RHBDL1: variants seen among roughly 807,000 people sequenced by gnomAD.
The protein encoded by RHBDL1 is rhomboid like 1.
Under a neutral mutation model 34.0 loss-of-function variants are expected in RHBDL1, and 21 were observed. That is an observed-to-expected ratio of 0.62 (90% confidence interval 0.44 to 0.89). The LOEUF (loss-of-function observed/expected upper bound fraction) is 0.89. RHBDL1 is among the 40% of genes least tolerant of loss of function. RHBDL1 has a pLI of 0.00. For synonymous variants in RHBDL1, 268 were observed against 234.8 expected, an observed-to-expected ratio of 1.14 and a Z score of -1.29; for missense variants, 450 against 530.6, an observed-to-expected ratio of 0.85 and a Z score of 1.49.
chr16:676,155 A>G lies in RHBDL1; in HGVS notation c.40-181A>G. On this transcript the variant is annotated intron_variant, in intron 1 of 7. Coordinates refer to ENST00000352681, the MANE Select transcript of RHBDL1 (RefSeq NM_001278720.2). This position sits in a 1 kb window ranked among gnomAD's most constrained non-coding sequence, Gnocchi z 6.9. ...CTGAGGAGCTGGAGGACTGGGACCC[A>G]GGCACCAGTGCCCTGCCAGCTCCTG... 1 of 1,473,800 alleles carries G rather than the reference A, an allele frequency of 6.8e-7. No individual in the cohort carries two copies. Among genetic ancestry groups the G allele is most frequent in the Non-Finnish European group, 9.0e-7 (1 of 1,109,252 alleles). 91.3% of individuals were successfully genotyped at this position (1,473,800 alleles called of 1,614,324 possible). A position where few individuals can be genotyped will look rare whatever the true frequency, so the allele number is the denominator to read the frequency against.
Position 678,059 on chromosome 16 carries a change from A to G in RHBDL1, c.*7A>G. On this transcript the variant is annotated 3_prime_UTR_variant, in exon 8 of 8. Coordinates refer to ENST00000352681, the MANE Select transcript of RHBDL1 (RefSeq NM_001278720.2). ...CATCCCCCCACCGCCCTGACCGGCT[A>G]CCTGAGGCTGCACAGGCCAGGGCTC... 6.4e-7 allele frequency: 1 copy of G among 1,551,142 alleles called. No individual in the cohort carries two copies. Among genetic ancestry groups the G allele is most frequent in the African/African-American group, 1.4e-5 (1 of 73,970 alleles).
In RHBDL1 at chr16:675,941, C is replaced by T. The variant is rs2039526754; in HGVS notation, c.39+112C>T. 9 of 1,411,628 alleles carry T rather than the reference C, an allele frequency of 6.4e-6. No homozygotes were observed. In the South Asian group the frequency reaches 7.4e-5, roughly 12 times the overall value. 87.4% of individuals were successfully genotyped at this position (1,411,628 alleles called of 1,614,324 possible). ...CCCGAAAGCCCCGCTCGGTACCTACCTCATCCCTCCACGACCTTGGTCCGT... is the reference window on the plus strand; with the variant it reads ...CCCGAAAGCCCCGCTCGGTACCTACTTCATCCCTCCACGACCTTGGTCCGT... On this transcript the variant is annotated intron_variant, in intron 1 of 7. Transcript: ENST00000352681.
At position 676,530 on chromosome 16, in the gene RHBDL1, C is replaced by T. The variant is rs758650022; in HGVS notation, c.201+33C>T. On this transcript the variant is annotated intron_variant, in intron 2 of 7. Transcript: ENST00000352681. This position sits in a 1 kb window ranked among gnomAD's most constrained non-coding sequence, Gnocchi z 6.9. The stretch of plus-strand genomic sequence containing the variant: ...CCACGGTGGGCAGGCGGCAGGGGCA[C>T]GGTGTCCTGGCCAGAGGAGGCGGGC... 5.1e-6 allele frequency: 8 copies of T among 1,570,372 alleles called. No homozygotes were observed. The highest frequency in any genetic ancestry group is 3.4e-5 in the South Asian group (3 of 87,634).
In RHBDL1 at chr16:676,325, C is replaced by A; in HGVS notation, c.40-11C>A. 1 of 1,608,168 alleles carries A rather than the reference C, an allele frequency of 6.2e-7. No homozygotes were observed. Among genetic ancestry groups the A allele is most frequent in the Non-Finnish European group, 8.5e-7 (1 of 1,178,166 alleles). The stretch of plus-strand genomic sequence containing the variant: ...CGCACTCAGGCCTTGGCTGGCGGCT[C>A]CTCACTGCAGCAGCTGGACCCCGAG... On this transcript the variant is annotated splice_polypyrimidine_tract_variant and intron_variant, in intron 1 of 7. Transcript: ENST00000352681. This position sits in a 1 kb window ranked among gnomAD's most constrained non-coding sequence, Gnocchi z 6.9.
Position 677,487 on chromosome 16 carries a change from G to A in RHBDL1, c.717G>A (p.Met239Ile). ...AGSLTVSITDMRAPVVGGSGG... is the reference protein window; with the variant it reads ...AGSLTVSITDIRAPVVGGSGG... The stretch of plus-strand genomic sequence containing the variant: ...CCCTAACCGTCTCCATCACCGACAT[G>A]CGGGCCCCGGTGGTGGGAGGCTCCG... The change falls in exon 6 of 8, where the codon ATG becomes ATA. Residue 239 changes from methionine (M) to isoleucine (I), a missense_variant. By Grantham distance (10) the Met-to-Ile change is conservative. Transcript: ENST00000352681. 6.2e-7 allele frequency: 1 copy of A among 1,608,662 alleles called. No homozygotes were observed. Among genetic ancestry groups the A allele is most frequent in the Non-Finnish European group, 8.5e-7 (1 of 1,179,642 alleles).
chr16:676,111 G>A lies in RHBDL1; in HGVS notation c.40-225G>A, dbSNP rs1362178857. Reference sequence around the variant, plus strand: ...GCCCTCGCTTTCCAGGATGGGTAGGGTGGAAGACGGGGGAACAACTGAGGA... The same window carrying A: ...GCCCTCGCTTTCCAGGATGGGTAGGATGGAAGACGGGGGAACAACTGAGGA... On this transcript the variant is annotated intron_variant, in intron 1 of 7. Transcript: ENST00000352681. The surrounding 1 kb of genome is among the most constrained non-coding windows in gnomAD (Gnocchi z 6.9). 2.1e-6 allele frequency: 3 copies of A among 1,453,656 alleles called. No individual in the cohort carries two copies. The highest frequency in any genetic ancestry group is 1.8e-6 in the Non-Finnish European group (2 of 1,099,230). The allele number at this position is 1,453,656 out of a possible 1,614,324, so 90.0% of individuals were successfully genotyped here.
intron 1 of RHBDL1, 122 bp downstream of exon 1, chr16:675,951 CA>C: frequency 7.1e-7 from 1 of 1,411,788 alleles, no homozygotes; most frequent in Non-Finnish European, 9.4e-7. Context: ...CTCATCCCTC[CA>C]CGACCTTGGT....
chr16:677,588 G>T, intron 6 of RHBDL1, 29 bp downstream of exon 6: 1 of 1,607,008 alleles, frequency 6.2e-7, no homozygotes. Flanking sequence ...GGGGGGCGTG[G>T]GGAGGGGCCC....
chr16:677,640 A>G lies in RHBDL1; in HGVS notation c.791A>G (p.Asn264Ser). 6.3e-7 allele frequency: 1 copy of G among 1,585,218 alleles called. No individual in the cohort carries two copies. Among genetic ancestry groups the G allele is most frequent in the Non-Finnish European group, 8.6e-7 (1 of 1,163,908 alleles). Residue 264 changes from asparagine (N) to serine (S), a missense_variant and splice_region_variant, in exon 7 of 8, where the codon AAC becomes AGC. Transcript: ENST00000352681. ...CSAHLANVVM[N>S]WAGMRCPYKL... is the part of the protein sequence containing the mutation. ...CTTCTCGTCTGCACACACCCATAGA[A>G]CTGGGCTGGGATGAGATGTCCCTAC...
Position 677,660 on chromosome 16 carries a change from C to T in RHBDL1, c.811C>T (p.Pro271Ser). The T allele has an allele frequency of 6.4e-7, 1 of 1,565,292 alleles. No homozygotes were observed. The highest frequency in any genetic ancestry group is 8.7e-7 in the Non-Finnish European group (1 of 1,153,062). The change falls in exon 7 of 8, where the codon CCC becomes TCC. Residue 271 changes from proline (P) to serine (S), a missense_variant. Coordinates refer to ENST00000352681, the MANE Select transcript of RHBDL1 (RefSeq NM_001278720.2). Reference protein sequence around the residue: ...VVMNWAGMRCPYKLLRMVLAL... With the variant: ...VVMNWAGMRCSYKLLRMVLAL... ...ATAGAACTGGGCTGGGATGAGATGTCCCTACAAGTTGCTGAGGATGGTGCT... is the reference window on the plus strand; with the variant it reads ...ATAGAACTGGGCTGGGATGAGATGTTCCTACAAGTTGCTGAGGATGGTGCT...
chr16:676,592 G>A lies in RHBDL1; in HGVS notation c.202-80G>A, dbSNP rs1418631151. On this transcript the variant is annotated intron_variant, in intron 2 of 7. Transcript: ENST00000352681. The surrounding 1 kb of genome is among the most constrained non-coding windows in gnomAD (Gnocchi z 6.9). ...CACGGCGGTGGGTGGGGGGCTTGTG[G>A]ATGCGGGGAGCTGGGTGAGCCTCAC... 3 of 1,580,882 alleles carry A rather than the reference G, an allele frequency of 1.9e-6. No individual in the cohort carries two copies. The highest frequency in any genetic ancestry group is 2.6e-6 in the Non-Finnish European group (3 of 1,166,318).
Position 677,695 on chromosome 16 carries a change from G to C in RHBDL1, c.846G>C (p.Val282=). ...YKLLRMVLAL[V]CMSSEVGRAV... ...TGCTGAGGATGGTGCTGGCCTTGGT[G>C]TGCAGTGAGTAGGGGCCGGGGGGAG... Residue 282 remains valine, a synonymous_variant, in exon 7 of 8, where the codon GTG becomes GTC. Coordinates refer to ENST00000352681, the MANE Select transcript of RHBDL1 (RefSeq NM_001278720.2). The C allele has an allele frequency of 6.5e-7, 1 of 1,538,494 alleles. No homozygotes were observed. The highest frequency in any genetic ancestry group is 8.8e-7 in the Non-Finnish European group (1 of 1,142,156).
rs771393027 is a variant in RHBDL1, at chr16:675,869, A to G, written c.39+40A>G. 6.7e-6 allele frequency: 10 copies of G among 1,483,952 alleles called. No individual in the cohort carries two copies. In the South Asian group the frequency reaches 1.3e-4, roughly 19 times the overall value. The allele number at this position is 1,483,952 out of a possible 1,614,324, so 91.9% of individuals were successfully genotyped here. ...GGTCTGGGGAGCTGGCACCGCCCCC[A>G]ATGCGGCCCTCCTGCCGCTGAGCTG... On this transcript the variant is annotated intron_variant, in intron 1 of 7. Transcript: ENST00000352681.
chr16:676,013 TG>T lies in RHBDL1; in HGVS notation c.39+186del, dbSNP rs1463166024. 3.1e-5 allele frequency: 41 copies of T among 1,310,784 alleles called. No individual in the cohort carries two copies. The highest frequency in any genetic ancestry group is 3.8e-5 in the Non-Finnish European group (39 of 1,027,306). The allele number at this position is 1,310,784 out of a possible 1,614,324, so 81.2% of individuals were successfully genotyped here. On this transcript the variant is annotated intron_variant, in intron 1 of 7. Coordinates refer to ENST00000352681, the MANE Select transcript of RHBDL1 (RefSeq NM_001278720.2). This position sits in a 1 kb window ranked among gnomAD's most constrained non-coding sequence, Gnocchi z 6.9. Reference sequence around the variant, plus strand: ...GACTGACTGGACCAGAGCTCCTGGCTGGAGAAGGGAGAGTCGGGGGGAGGGA... The same window carrying T: ...GACTGACTGGACCAGAGCTCCTGGCTGAGAAGGGAGAGTCGGGGGGAGGGA...
rs1338100785 is a variant in RHBDL1 at position 676,060 on chromosome 16, G to GGGCA, written c.39+233_39+236dup. The stretch of plus-strand genomic sequence containing the variant: ...AGGGAGGGAGGGAGGGAGGGAGGGC[G>GGGCA]GGCAGCTGGCTGGTCTTGGACCTTG... On this transcript the variant is annotated intron_variant, in intron 1 of 7. Coordinates refer to ENST00000352681, the MANE Select transcript of RHBDL1 (RefSeq NM_001278720.2). This position sits in a 1 kb window ranked among gnomAD's most constrained non-coding sequence, Gnocchi z 6.9. The GGGCA allele has an allele frequency of 4.1e-5, 59 of 1,433,318 alleles. No individual in the cohort carries two copies. In the East Asian group the frequency reaches 7.7e-4, roughly 19 times the overall value. The allele number at this position is 1,433,318 out of a possible 1,614,324, so 88.8% of individuals were successfully genotyped here.
At position 676,348 on chromosome 16, in the gene RHBDL1, G is replaced by A. The variant is rs1284453052; in HGVS notation, c.52G>A (p.Glu18Lys). 3.7e-6 allele frequency: 6 copies of A among 1,610,340 alleles called. No homozygotes were observed. Among genetic ancestry groups the A allele is most frequent in the African/African-American group, 1.3e-5 (1 of 74,870 alleles). Residue 18 changes from glutamate (E) to lysine (K), a missense_variant, in exon 2 of 8, where the codon GAG becomes AAG. By Grantham distance (56) the Glu-to-Lys change is moderately conservative. Transcript: ENST00000352681. This position sits in a 1 kb window ranked among gnomAD's most constrained non-coding sequence, Gnocchi z 6.9. ...QLIQEQQLDP[E>K]NTGFIGADTF... ...CTCCTCACTGCAGCAGCTGGACCCC[G>A]AGAACACAGGCTTCATCGGTGCGGA...
At position 677,794 on chromosome 16, in the gene RHBDL1, G is replaced by A. The variant is rs2039576765; in HGVS notation, c.864G>A (p.Val288=). 6.4e-7 allele frequency: 1 copy of A among 1,551,578 alleles called. No individual in the cohort carries two copies. The part of the protein sequence containing the change: ...VLALVCMSSE[V]GRAVWLRFSP... ...GTCCCTCTGCAGTGAGCTCCGAGGT[G>A]GGCCGGGCCGTGTGGCTGCGCTTCT... Residue 288 remains valine (V), a synonymous_variant, in exon 8 of 8, where the codon GTG becomes GTA. Coordinates refer to ENST00000352681, the MANE Select transcript of RHBDL1 (RefSeq NM_001278720.2).
rs771476810 is a variant in RHBDL1, at chr16:677,450, C to T, written c.689-9C>T. On this transcript the variant is annotated splice_polypyrimidine_tract_variant and intron_variant, in intron 5 of 7. Coordinates refer to ENST00000352681, the MANE Select transcript of RHBDL1 (RefSeq NM_001278720.2). Reference sequence around the variant, plus strand: ...CGGCTGCACCCTCACCCGCCGCTTGCTCACACAGGCTCCCTAACCGTCTCC... The same window carrying T: ...CGGCTGCACCCTCACCCGCCGCTTGTTCACACAGGCTCCCTAACCGTCTCC... 4 of 1,602,758 alleles carry T rather than the reference C, an allele frequency of 2.5e-6. No homozygotes were observed. The highest frequency in any genetic ancestry group is 3.4e-6 in the Non-Finnish European group (4 of 1,177,702).
At chr16:677,739 C>G in intron 7 of RHBDL1, 40 bp downstream of exon 7, 2 of 1,522,664 alleles carry the variant, frequency 1.3e-6, no homozygotes. Flanking sequence ...GGCCTCTCAG[C>G]CTGCAGCCAG....
Sources: allele counts gnomAD v4.1 joint callset, GRCh38; gene constraint gnomAD v4.1.1; non-coding constraint Gnocchi (gnomAD v3.1); transcripts MANE v1.5; gene names NCBI Gene and HGNC (gene_info 2026-07-23, HGNC 2026-07-21).